MVB12B: variants seen among roughly 807,000 people sequenced by gnomAD.
MVB12B encodes multivesicular body subunit 12B, also known as ESCRT-I complex subunit MVB12B.
MVB12B carries 16 observed loss-of-function variants against 41.6 expected under a neutral mutation model. That is an observed-to-expected ratio of 0.38 (90% CI 0.26 to 0.58). The LOEUF is 0.58. Among genes scored for constraint, MVB12B ranks in the 20% least tolerant of loss-of-function variants. MVB12B has a pLI of 0.62. For missense variants in MVB12B, 274 were observed against 380.2 expected (o/e 0.72, Z 2.32); for synonymous variants, 133 against 139.7 (o/e 0.95, Z 0.34).
intron 7 of MVB12B, among the ~76,000 whole-genome samples, chr9:126,474,326 T>C (rs1833379417): frequency 6.6e-6 from 1 of 152,092 alleles, no homozygotes; most frequent in Middle Eastern, 3.2e-3. Flanking sequence ...TAGTTGCAGC[T>C]AGGGAAAAAG....
At chr9:126,424,391 G>A (rs147198543) in intron 7 of MVB12B, among the ~76,000 whole-genome samples, 2 of 152,144 alleles carry the variant, frequency 1.3e-5, no homozygotes, top group African/African-American at 4.8e-5. Context: ...GCACAAAGCA[G>A]TGCTCATGAT....
rs985859103 is a variant in MVB12B at position 126,504,145 on chromosome 9, C to G, written c.*882C>G. 9 of 152,298 alleles carry G rather than the reference C, an allele frequency of 5.9e-5. No homozygotes were observed. Among genetic ancestry groups the G allele is most frequent in the Admixed American group, 3.9e-4 (6 of 15,288 alleles). The allele number at this position is 152,298 out of a possible 1,614,324, so 9.4% of individuals were successfully genotyped here. ...ACAGGCACACGGGCACCCAGCCCCT[C>G]TCAGAGCCAGGCGTGTCTTGACGGT... On this transcript the variant is annotated 3_prime_UTR_variant, in exon 10 of 10. Coordinates refer to ENST00000361171, the MANE Select transcript of MVB12B (RefSeq NM_033446.3).
chr9:126,356,473 G>A lies in MVB12B; in HGVS notation c.204+15843G>A, dbSNP rs1588101186. On this transcript the variant is annotated intron_variant, in intron 2 of 9. Transcript: ENST00000361171. The stretch of plus-strand genomic sequence containing the variant: ...CTTTATAATTGACATACAATAGACT[G>A]CATATATTTAGAGTGTATGATTTGA... Among the ~76,000 whole-genome samples the A allele has an allele frequency of 2.6e-5, 4 of 152,214 alleles. No homozygotes were observed. In the South Asian group the frequency reaches 8.3e-4, roughly 32 times the overall value.
intron 6 of MVB12B, among the ~76,000 whole-genome samples, chr9:126,415,884 C>T (rs1239866022): frequency 1.3e-5 from 2 of 152,018 alleles, no homozygotes; most frequent in Non-Finnish European, 2.9e-5. Context: ...CGGGGTGCCT[C>T]CTCAGAAGGG....
At chr9:126,369,176 T>G (rs2118918955) in intron 2 of MVB12B, among the ~76,000 whole-genome samples, 1 of 152,270 alleles carries the variant, frequency 6.6e-6, no homozygotes, top group South Asian at 2.1e-4. Context: ...GAAAAAATTT[T>G]TAATTAAGAA....
intron 6 of MVB12B, among the ~76,000 whole-genome samples, chr9:126,412,138 T>A (rs2119061043): frequency 6.6e-6 from 1 of 152,316 alleles, no homozygotes; most frequent in East Asian, 1.9e-4. Flanking sequence ...AGGTGCTTAT[T>A]AAAATGCCAG....
At chr9:126,383,708 A>G (rs368851047) in intron 3 of MVB12B, among the ~76,000 whole-genome samples, 21 of 152,090 alleles carry the variant, frequency 1.4e-4, no homozygotes, top group African/African-American at 4.8e-4. Context: ...GGGAGGGGAG[A>G]GGAACAGGCA....
chr9:126,496,295 A>G (rs1202908015), intron 9 of MVB12B, among the ~76,000 whole-genome samples: 2 of 72,494 alleles, frequency 2.8e-5, no homozygotes, highest in African/African-American at 1.1e-4. Context: ...CCACCCATCC[A>G]TACACCTACC....
At chr9:126,466,016 C>A (rs1173884737) in intron 7 of MVB12B, among the ~76,000 whole-genome samples, 1 of 152,186 alleles carries the variant, frequency 6.6e-6, no homozygotes, top group Non-Finnish European at 1.5e-5. Context: ...AGAAATCTAT[C>A]TGAATTTCCT....
intron 1 of MVB12B, among the ~76,000 whole-genome samples, chr9:126,330,485 C>T (rs574821366): frequency 1.2e-4 from 19 of 152,318 alleles, no homozygotes; most frequent in African/African-American, 3.6e-4. Flanking sequence ...CATACTCAGA[C>T]TTTATTGAGT....
At chr9:126,481,330 A>G in intron 7 of MVB12B, 39 bp from the exon 8 acceptor site, 1 of 1,565,174 alleles carries the variant, frequency 6.4e-7, no homozygotes, top group Non-Finnish European at 8.8e-7. Flanking sequence ...TGCCATCTTC[A>G]ATACCTTTAA....
Position 126,391,791 on chromosome 9 carries a change from A to G in MVB12B, c.410-275A>G, listed in dbSNP as rs966280509. On this transcript the variant is annotated intron_variant, in intron 4 of 9. Transcript: ENST00000361171. This position sits in a 1 kb window ranked among gnomAD's most constrained non-coding sequence, Gnocchi z 4.4. ...TTTCTGATGGCTGAGCAGTGAGCAG[A>G]TTGTGGTTGCGGCTCTTAGAAGCCA... 1.3e-5 allele frequency among the ~76,000 whole-genome samples: 2 copies of G among 152,312 alleles called. No homozygotes were observed. The highest frequency in any genetic ancestry group is 2.9e-5 in the Non-Finnish European group (2 of 68,024).
At chr9:126,482,555 A>T (rs1833545263) in intron 8 of MVB12B, among the ~76,000 whole-genome samples, 1 of 150,690 alleles carries the variant, frequency 6.6e-6, no homozygotes, top group Non-Finnish European at 1.5e-5. Context: ...TCCCTGGGAG[A>T]GGCAGCTCTG....
intron 9 of MVB12B, among the ~76,000 whole-genome samples, chr9:126,499,845 C>G (rs1040707847): frequency 6.6e-6 from 1 of 152,168 alleles, no homozygotes; most frequent in African/African-American, 2.4e-5. Context: ...CAGGAAGGGG[C>G]GCCTTCTCCG....
At chr9:126,501,835 G>A (rs1238746901) in intron 9 of MVB12B, among the ~76,000 whole-genome samples, 2 of 152,292 alleles carry the variant, frequency 1.3e-5, no homozygotes, top group Admixed American at 6.5e-5. Flanking sequence ...CTGGGCAGCA[G>A]GGAGGGCTGG....
rs117732473 is a variant in MVB12B, at chr9:126,467,938, C to T, written c.758-13431C>T. Among the ~76,000 whole-genome samples the T allele has an allele frequency of 1.4e-4, 22 of 152,328 alleles. 2 individuals carry two copies. The East Asian group carries it at 3.3e-3, about 23-fold the overall frequency. ...CATTGCCTCTGAACTGCCGTTGCCT[C>T]AGCAGAGAGAAATGTATGCACACAT... On this transcript the variant is annotated intron_variant, in intron 7 of 9. Transcript: ENST00000361171.
intron 1 of MVB12B, among the ~76,000 whole-genome samples, chr9:126,328,045 G>T (rs1463484092): frequency 6.6e-6 from 1 of 152,168 alleles, no homozygotes; most frequent in Non-Finnish European, 1.5e-5. Flanking sequence ...ACAGGGCTGG[G>T]AAATCTTATC....
chr9:126,377,408 A>G (rs1264257644), intron 2 of MVB12B, among the ~76,000 whole-genome samples: 6 of 152,152 alleles, frequency 3.9e-5, no homozygotes, highest in African/African-American at 1.4e-4. Flanking sequence ...AGAGAACCAA[A>G]AGAGTAGGTG....
At chr9:126,495,690 G>A (rs1310907674) in intron 9 of MVB12B, among the ~76,000 whole-genome samples, 1 of 151,930 alleles carries the variant, frequency 6.6e-6, no homozygotes, top group Admixed American at 6.6e-5. Context: ...CCACCCACCT[G>A]TGAGACTGAG....
Sources: allele counts gnomAD v4.1 joint callset (sites outside exome capture counted in the v4.1 genomes callset), GRCh38; gene constraint gnomAD v4.1.1; non-coding constraint Gnocchi (gnomAD v3.1); transcripts MANE v1.5; gene names NCBI Gene and HGNC (gene_info 2026-07-23, HGNC 2026-07-21).